Variants in CDK5R2 observed in about 807,000 individuals in gnomAD.
CDK5R2 encodes the protein cyclin dependent kinase 5 regulatory subunit 2.
Under a neutral mutation model 23.1 loss-of-function variants are expected in CDK5R2, and 7 were observed. That is an observed-to-expected ratio of 0.30 (90% CI 0.17 to 0.57). The LOEUF is 0.57. Ranked by LOEUF, CDK5R2 falls within the 20% of genes least tolerant of loss-of-function variation. CDK5R2 has a pLI of 0.91. For missense variants in CDK5R2, 380 were observed against 537.6 expected, an observed-to-expected ratio of 0.71 and a Z score of 2.90; for synonymous variants, 242 against 264.9, an observed-to-expected ratio of 0.91 and a Z score of 0.84.
Position 218,961,017 on chromosome 2 carries a change from G to A in CDK5R2, c.*93G>A. 1 of 622,328 alleles carries A rather than the reference G, an allele frequency of 1.6e-6. No individual in the cohort carries two copies. Among genetic ancestry groups the A allele is most frequent in the Non-Finnish European group, 2.5e-6 (1 of 396,768 alleles). 38.6% of individuals were successfully genotyped at this position (622,328 alleles called of 1,614,324 possible). A position where few individuals can be genotyped will look rare whatever the true frequency, so the allele number is the denominator to read the frequency against. On this transcript the variant is annotated 3_prime_UTR_variant, in exon 1 of 1. Transcript: ENST00000302625. The surrounding 1 kb of genome is among the most constrained non-coding windows in gnomAD (Gnocchi z 4.4). ...CAAAGCCACCGCCGCTGTTACCGCC[G>A]CTCAGCGCCCCGGCTGGGCGGAGGA...
chr2:218,960,210 G>A lies in CDK5R2; in HGVS notation c.390G>A (p.Ala130=), dbSNP rs1224114191. Residue 130 remains alanine (A), a synonymous_variant, in exon 1 of 1, where the codon GCG becomes GCA. Transcript: ENST00000302625. ...PLAVPVPTVP[A]AAATCEPPSG... is the part of the protein sequence containing the mutation. Reference sequence around the variant, plus strand: ...CGGTGCCAGTGCCCACCGTGCCCGCGGCTGCCGCCACCTGCGAGCCACCGT... The same window carrying A: ...CGGTGCCAGTGCCCACCGTGCCCGCAGCTGCCGCCACCTGCGAGCCACCGT... 1.4e-6 allele frequency: 2 copies of A among 1,413,146 alleles called. No homozygotes were observed. The highest frequency in any genetic ancestry group is 1.8e-6 in the Non-Finnish European group (2 of 1,087,938). 87.5% of individuals were successfully genotyped at this position (1,413,146 alleles called of 1,614,324 possible).
chr2:218,959,871 G>A lies in CDK5R2; in HGVS notation c.51G>A (p.Arg17=). 2 of 1,436,088 alleles carry A rather than the reference G, an allele frequency of 1.4e-6. No individual in the cohort carries two copies. The highest frequency in any genetic ancestry group is 1.8e-6 in the Non-Finnish European group (2 of 1,106,864). The allele number at this position is 1,436,088 out of a possible 1,614,324, so 89.0% of individuals were successfully genotyped here. Residue 17 remains arginine, a synonymous_variant, in exon 1 of 1, where the codon AGG becomes AGA. Coordinates refer to ENST00000302625, the MANE Select transcript of CDK5R2 (RefSeq NM_003936.5). This position sits in a 1 kb window ranked among gnomAD's most constrained non-coding sequence, Gnocchi z 4.0. ...CTGCCTCCTCGGCCAAGGGCCGGAG[G>A]CCCGGCGGGCTGCCCGAGGAGAAGA... ...LSPASSAKGR[R]PGGLPEEKKK... is the part of the protein sequence containing the mutation.
rs939753677 is a variant in CDK5R2 at position 218,959,795 on chromosome 2, C to T, written c.-26C>T. 7.2e-6 allele frequency: 9 copies of T among 1,249,210 alleles called. No homozygotes were observed. The highest frequency in any genetic ancestry group is 8.0e-6 in the Non-Finnish European group (8 of 999,646). The allele number at this position is 1,249,210 out of a possible 1,614,324, so 77.4% of individuals were successfully genotyped here. A position where few individuals can be genotyped will look rare whatever the true frequency, so the allele number is the denominator to read the frequency against. On this transcript the variant is annotated 5_prime_UTR_variant, in exon 1 of 1. Coordinates refer to ENST00000302625, the MANE Select transcript of CDK5R2 (RefSeq NM_003936.5). The surrounding 1 kb of genome is among the most constrained non-coding windows in gnomAD (Gnocchi z 4.0). Reference sequence around the variant, plus strand: ...GCGCCGCCCGCGGCTCCCGCTGGGGCCTGGGCGCCGGCCCCGCTCTGCAGG... The same window carrying T: ...GCGCCGCCCGCGGCTCCCGCTGGGGTCTGGGCGCCGGCCCCGCTCTGCAGG...
At position 218,959,960 on chromosome 2, in the gene CDK5R2, G is replaced by A. The variant is rs757681013; in HGVS notation, c.140G>A (p.Gly47Asp). ...GGYGAPPVGK[G>D]GKGESRLKRP... The stretch of plus-strand genomic sequence containing the variant: ...TACGGGGCGCCGCCAGTGGGCAAGG[G>A]CGGCAAAGGCGAGAGCCGACTCAAG... Residue 47 changes from glycine to aspartate, a missense_variant, in exon 1 of 1, where the codon GGC becomes GAC. Gly to Asp is a moderately conservative substitution (Grantham distance 94). Transcript: ENST00000302625. This position sits in a 1 kb window ranked among gnomAD's most constrained non-coding sequence, Gnocchi z 4.0. 1 of 1,543,346 alleles carries A rather than the reference G, an allele frequency of 6.5e-7. No homozygotes were observed. Among genetic ancestry groups the A allele is most frequent in the Admixed American group, 2.0e-5 (1 of 50,300 alleles).
chr2:218,961,495 A>C lies in CDK5R2; in HGVS notation c.*571A>C, dbSNP rs1945206372. 5.9e-6 allele frequency: 1 copy of C among 168,436 alleles called. No individual in the cohort carries two copies. Among genetic ancestry groups the C allele is most frequent in the South Asian group, 2.1e-4 (1 of 4,842 alleles). 10.4% of individuals were successfully genotyped at this position (168,436 alleles called of 1,614,324 possible). A position where few individuals can be genotyped will look rare whatever the true frequency, so the allele number is the denominator to read the frequency against. On this transcript the variant is annotated 3_prime_UTR_variant, in exon 1 of 1. Coordinates refer to ENST00000302625, the MANE Select transcript of CDK5R2 (RefSeq NM_003936.5). This position sits in a 1 kb window ranked among gnomAD's most constrained non-coding sequence, Gnocchi z 4.4. ...CTTGTTGCTCCTGTCATGTGTCACCATCTTCCCTCCTGTCTGCCTTCTTCC... is the reference window on the plus strand; with the variant it reads ...CTTGTTGCTCCTGTCATGTGTCACCCTCTTCCCTCCTGTCTGCCTTCTTCC...
In CDK5R2 at chr2:218,960,581, C is replaced by G; in HGVS notation, c.761C>G (p.Ser254Trp). 1 of 1,613,934 alleles carries G rather than the reference C, an allele frequency of 6.2e-7. No individual in the cohort carries two copies. The highest frequency in any genetic ancestry group is 8.5e-7 in the Non-Finnish European group (1 of 1,179,928). The stretch of plus-strand genomic sequence containing the variant: ...TCGCTGCGTGGGGACGAGCTGGCGT[C>G]GGCCGCCGAGCTGCAGGCCGCCTTC... ...RESLRGDELA[S>W]AAELQAAFLT... The change falls in exon 1 of 1, where the codon TCG (serine) becomes TGG (tryptophan). Residue 254 changes from serine (S) to tryptophan (W), a missense_variant. Transcript: ENST00000302625.
Position 218,960,141 on chromosome 2 carries a change from G to T in CDK5R2, c.321G>T (p.Lys107Asn). The stretch of plus-strand genomic sequence containing the variant: ...GCAACCGCGAGAACCTTCTCCGCAA[G>T]GGCCGGGATCCCCCCGACGGCGGCG... The part of the protein sequence containing the change: ...QQRNRENLLR[K>N]GRDPPDGGGT... Residue 107 changes from lysine (K) to asparagine (N), a missense_variant, in exon 1 of 1, where the codon AAG (lysine) becomes AAT (asparagine). This residue lies in a region of CDK5R2 where 197 missense variants were observed against 246.4 expected (regional missense o/e 0.80). Transcript: ENST00000302625. 1 of 1,579,574 alleles carries T rather than the reference G, an allele frequency of 6.3e-7. No individual in the cohort carries two copies. The highest frequency in any genetic ancestry group is 1.1e-5 in the South Asian group (1 of 87,080).
At position 218,960,304 on chromosome 2, in the gene CDK5R2, G is replaced by C; in HGVS notation, c.484G>C (p.Ala162Pro). Residue 162 changes from alanine to proline, a missense_variant, in exon 1 of 1, where the codon GCC becomes CCC. By Grantham distance (27) the Ala-to-Pro change is conservative. Transcript: ENST00000302625. Reference protein sequence around the residue: ...GGKPPPPPPPAPQVAPPVPGG... With the variant: ...GGKPPPPPPPPPQVAPPVPGG... ...AAAGCCTCCGCCGCCGCCTCCCCCA[G>C]CCCCGCAGGTGGCGCCGCCGGTGCC... The C allele has an allele frequency of 6.9e-7, 1 of 1,456,274 alleles. No homozygotes were observed. The highest frequency in any genetic ancestry group is 9.0e-7 in the Non-Finnish European group (1 of 1,113,112). The allele number at this position is 1,456,274 out of a possible 1,614,324, so 90.2% of individuals were successfully genotyped here.
chr2:218,961,689 C>G lies in CDK5R2; in HGVS notation c.*765C>G, dbSNP rs1945208242. 1 of 167,118 alleles carries G rather than the reference C, an allele frequency of 6.0e-6. No individual in the cohort carries two copies. Among genetic ancestry groups the G allele is most frequent in the Admixed American group, 6.5e-5 (1 of 15,276 alleles). The allele number at this position is 167,118 out of a possible 1,614,324, so 10.4% of individuals were successfully genotyped here. ...GGATGGTCCCTCGCCCCACCCCCAC[C>G]GCCTCTCCCCACCTTTTCCAACGTG... On this transcript the variant is annotated 3_prime_UTR_variant, in exon 1 of 1. Transcript: ENST00000302625. The surrounding 1 kb of genome is among the most constrained non-coding windows in gnomAD (Gnocchi z 4.4).
chr2:218,960,847 G>A lies in CDK5R2; in HGVS notation c.1027G>A (p.Ala343Thr). 6.7e-7 allele frequency: 1 copy of A among 1,501,950 alleles called. No homozygotes were observed. Among genetic ancestry groups the A allele is most frequent in the South Asian group, 1.3e-5 (1 of 76,266 alleles). The allele number at this position is 1,501,950 out of a possible 1,614,324, so 93.0% of individuals were successfully genotyped here. ...CGGCGGGGGCCCACCGAGCGGGGGCGCGCCCGCCGCCTCCTCGGCCGCCAG... is the reference window on the plus strand; with the variant it reads ...CGGCGGGGGCCCACCGAGCGGGGGCACGCCCGCCGCCTCCTCGGCCGCCAG... ...ASGGGPPSGG[A>T]PAASSAARDS... The change falls in exon 1 of 1, where the codon GCG becomes ACG. Residue 343 changes from alanine to threonine, a missense_variant. By Grantham distance (58) the Ala-to-Thr change is moderately conservative. Around this residue, in one of 3 missense-constraint regions of CDK5R2, gnomAD observed 59 missense variants for 55.7 expected, o/e 1.06. Transcript: ENST00000302625.
At position 218,959,738 on chromosome 2, in the gene CDK5R2, C is replaced by T; in HGVS notation, c.-83C>T. 8.2e-7 allele frequency: 1 copy of T among 1,219,566 alleles called. No homozygotes were observed. The highest frequency in any genetic ancestry group is 1.0e-6 in the Non-Finnish European group (1 of 980,684). 75.5% of individuals were successfully genotyped at this position (1,219,566 alleles called of 1,614,324 possible). On this transcript the variant is annotated 5_prime_UTR_variant, in exon 1 of 1. Coordinates refer to ENST00000302625, the MANE Select transcript of CDK5R2 (RefSeq NM_003936.5). This position sits in a 1 kb window ranked among gnomAD's most constrained non-coding sequence, Gnocchi z 4.0. ...GCCCGGGCCGGGGCTAGGCCCCCCA[C>T]CGCCGGGTCCCCCGGGGCTGCAGTA...
chr2:218,959,943 G>A lies in CDK5R2; in HGVS notation c.123G>A (p.Ala41=). ...AGDEALGGYG[A]PPVGKGGKGE... ...ACGAGGCGCTGGGGGGCTACGGGGC[G>A]CCGCCAGTGGGCAAGGGCGGCAAAG... The change falls in exon 1 of 1, where the codon GCG becomes GCA. Residue 41 remains alanine (A), a synonymous_variant. Coordinates refer to ENST00000302625, the MANE Select transcript of CDK5R2 (RefSeq NM_003936.5). The surrounding 1 kb of genome is among the most constrained non-coding windows in gnomAD (Gnocchi z 4.0). 2.6e-6 allele frequency: 4 copies of A among 1,518,514 alleles called. No individual in the cohort carries two copies. The South Asian group carries it at 3.7e-5, about 14-fold the overall frequency. 94.1% of individuals were successfully genotyped at this position (1,518,514 alleles called of 1,614,324 possible).
At position 218,959,945 on chromosome 2, in the gene CDK5R2, C is replaced by G. The variant is rs200705478; in HGVS notation, c.125C>G (p.Pro42Arg). ...GDEALGGYGA[P>R]PVGKGGKGES... ...GAGGCGCTGGGGGGCTACGGGGCGC[C>G]GCCAGTGGGCAAGGGCGGCAAAGGC... The change falls in exon 1 of 1, where the codon CCG (proline) becomes CGG (arginine). Residue 42 changes from proline to arginine, a missense_variant. This residue lies in a region of CDK5R2 where 197 missense variants were observed against 246.4 expected (regional missense o/e 0.80). Transcript: ENST00000302625. This position sits in a 1 kb window ranked among gnomAD's most constrained non-coding sequence, Gnocchi z 4.0. The G allele has an allele frequency of 1.3e-6, 2 of 1,522,212 alleles. No individual in the cohort carries two copies. The highest frequency in any genetic ancestry group is 1.8e-6 in the Non-Finnish European group (2 of 1,137,698). 94.3% of individuals were successfully genotyped at this position (1,522,212 alleles called of 1,614,324 possible).
In CDK5R2 at chr2:218,960,540, C is replaced by T. The variant is rs765629753; in HGVS notation, c.720C>T (p.Tyr240=). The change falls in exon 1 of 1, where the codon TAC becomes TAT. Residue 240 remains tyrosine (Y), a synonymous_variant. Coordinates refer to ENST00000302625, the MANE Select transcript of CDK5R2 (RefSeq NM_003936.5). ...FITPANLVFV[Y]LLCRESLRGD... is the part of the protein sequence containing the mutation. ...CGCCTGCAAACCTGGTGTTCGTGTACCTGCTGTGCCGCGAGTCGCTGCGTG... is the reference window on the plus strand; with the variant it reads ...CGCCTGCAAACCTGGTGTTCGTGTATCTGCTGTGCCGCGAGTCGCTGCGTG... 6.2e-7 allele frequency: 1 copy of T among 1,613,956 alleles called. No individual in the cohort carries two copies. The highest frequency in any genetic ancestry group is 8.5e-7 in the Non-Finnish European group (1 of 1,179,904).
At position 218,960,562 on chromosome 2, in the gene CDK5R2, C is replaced by A. The variant is rs756047603; in HGVS notation, c.742C>A (p.Arg248Ser). 6.2e-6 allele frequency: 10 copies of A among 1,613,834 alleles called. No individual in the cohort carries two copies. Among genetic ancestry groups the A allele is most frequent in the Admixed American group, 1.7e-5 (1 of 60,010 alleles). ...GTACCTGCTGTGCCGCGAGTCGCTG[C>A]GTGGGGACGAGCTGGCGTCGGCCGC... ...FVYLLCRESL[R>S]GDELASAAEL... The change falls in exon 1 of 1, where the codon CGT becomes AGT. Residue 248 changes from arginine to serine, a missense_variant. Arg to Ser is a moderately radical substitution (Grantham distance 110). This residue lies in a region of CDK5R2 where 124 missense variants were observed against 235.5 expected (regional missense o/e 0.53). Transcript: ENST00000302625.
Position 218,960,060 on chromosome 2 carries a change from C to A in CDK5R2, c.240C>A (p.Ser80Arg), listed in dbSNP as rs1186911080. 6.2e-7 allele frequency: 1 copy of A among 1,603,300 alleles called. No homozygotes were observed. The highest frequency in any genetic ancestry group is 1.1e-5 in the South Asian group (1 of 89,174). Residue 80 changes from serine (S) to arginine (R), a missense_variant, in exon 1 of 1, where the codon AGC becomes AGA. Around this residue, in one of 3 missense-constraint regions of CDK5R2, gnomAD observed 197 missense variants for 246.4 expected, o/e 0.80. Transcript: ENST00000302625. ...CGTCCGCCAAGAAGAAGAAAGGCAG[C>A]AAGAAGGTGACACCCAAGCCGGCAT... Reference protein sequence around the residue: ...VAASAKKKKGSKKVTPKPAST... With the variant: ...VAASAKKKKGRKKVTPKPAST...
chr2:218,961,280 T>G lies in CDK5R2; in HGVS notation c.*356T>G. On this transcript the variant is annotated 3_prime_UTR_variant, in exon 1 of 1. Transcript: ENST00000302625. This position sits in a 1 kb window ranked among gnomAD's most constrained non-coding sequence, Gnocchi z 4.4. ...TTGCCTCCTTTTTGTGTCTTCATTTTTCCTCCTGTCTGCATTCCTCTCTCT... is the reference window on the plus strand; with the variant it reads ...TTGCCTCCTTTTTGTGTCTTCATTTGTCCTCCTGTCTGCATTCCTCTCTCT... 2 of 234,898 alleles carry G rather than the reference T, an allele frequency of 8.5e-6. No individual in the cohort carries two copies. Among genetic ancestry groups the G allele is most frequent in the East Asian group, 9.7e-5 (1 of 10,350 alleles). 14.6% of individuals were successfully genotyped at this position (234,898 alleles called of 1,614,324 possible).
At position 218,960,150 on chromosome 2, in the gene CDK5R2, T is replaced by C; in HGVS notation, c.330T>C (p.Asp110=). 6.4e-7 allele frequency: 1 copy of C among 1,561,838 alleles called. No individual in the cohort carries two copies. Among genetic ancestry groups the C allele is most frequent in the Admixed American group, 1.9e-5 (1 of 53,638 alleles). Residue 110 remains aspartate, a synonymous_variant, in exon 1 of 1, where the codon GAT becomes GAC. Coordinates refer to ENST00000302625, the MANE Select transcript of CDK5R2 (RefSeq NM_003936.5). ...AGAACCTTCTCCGCAAGGGCCGGGATCCCCCCGACGGCGGCGGCACCGCCA... is the reference window on the plus strand; with the variant it reads ...AGAACCTTCTCCGCAAGGGCCGGGACCCCCCCGACGGCGGCGGCACCGCCA... The part of the protein sequence containing the change: ...NRENLLRKGR[D]PPDGGGTAKP...
In CDK5R2 at chr2:218,959,833, CTG is replaced by C; in HGVS notation, c.15_16del (p.Leu7PhefsTer529). On this transcript the variant is annotated frameshift_variant, in exon 1 of 1. Transcript: ENST00000302625. LOFTEE classifies it high-confidence loss of function. This position sits in a 1 kb window ranked among gnomAD's most constrained non-coding sequence, Gnocchi z 4.0. MGTV[L>X]SLSPASSAKG... ...CCCGCTCTGCAGGATGGGCACAGTG[CTG>C]TCTCTTTCGCCTGCCTCCTCGGCCA... 7.1e-7 allele frequency: 1 copy of C among 1,407,760 alleles called. No individual in the cohort carries two copies. Among genetic ancestry groups the C allele is most frequent in the Non-Finnish European group, 9.2e-7 (1 of 1,090,922 alleles). The allele number at this position is 1,407,760 out of a possible 1,614,324, so 87.2% of individuals were successfully genotyped here.
Sources: gnomAD v4.1 joint callset for allele counts on GRCh38, gnomAD v4.1.1 for gene constraint, gnomAD v4.1.1 regional missense constraint, Gnocchi (gnomAD v3.1) non-coding constraint, MANE v1.5 for transcripts, NCBI Gene and HGNC (gene_info 2026-07-23, HGNC 2026-07-21) for gene names.